SORBS2: variants seen among roughly 807,000 people sequenced by gnomAD.
SORBS2 encodes the protein sorbin and SH3 domain-containing protein 2.
In SORBS2, 46 loss-of-function variants were observed where a neutral mutation model predicts 97.7. The observed-to-expected ratio is 0.47, with a 90% CI of 0.37 to 0.60. The LOEUF is 0.60. Ranked by LOEUF, SORBS2 falls within the 20% of genes least tolerant of loss-of-function variation. SORBS2 has a pLI of 0.00. For synonymous variants in SORBS2, 476 were observed against 473.4 expected (o/e 1.01, Z -0.07); for missense variants, 1,316 against 1,282.3 (o/e 1.03, Z -0.40).
At chr4:185,657,617 C>A (rs1398623739), upstream of SORBS2, 2 of 1,585,278 alleles carry the variant, frequency 1.3e-6, no homozygotes, top group Non-Finnish European at 1.7e-6. Context: ...AATTTGGTAA[C>A]ATGGAACGTA....
intron 1 of SORBS2, among the ~76,000 whole-genome samples, chr4:185,800,664 T>A (rs879283593): frequency 6.6e-6 from 1 of 152,104 alleles, no homozygotes; most frequent in Admixed American, 6.5e-5. Context: ...TTTCTCTCCC[T>A]CTCTCCTCTT....
chr4:185,601,598 G>GTTGT (rs1294907681), intron 12 of SORBS2, among the ~76,000 whole-genome samples: 1 of 152,104 alleles, frequency 6.6e-6, no homozygotes, highest in Non-Finnish European at 1.5e-5. Flanking sequence ...ATATTTCTAC[G>GTTGT]TTGTTTAAGC....
intron 4 of SORBS2, among the ~76,000 whole-genome samples, chr4:185,669,568 G>A (rs772600666): frequency 6.6e-6 from 1 of 152,174 alleles, no homozygotes; most frequent in African/African-American, 2.4e-5. Context: ...GGCCTCAGGA[G>A]AGGAGGGGAA....
upstream of SORBS2, among the ~76,000 whole-genome samples, chr4:185,661,491 C>G (rs2097521348): frequency 6.6e-6 from 1 of 152,142 alleles, no homozygotes; most frequent in South Asian, 2.1e-4. Flanking sequence ...CACTGAATTC[C>G]TAGTCCTCAG....
intron 7 of SORBS2, among the ~76,000 whole-genome samples, chr4:185,621,261 T>C (rs1161185965): frequency 6.6e-6 from 1 of 152,232 alleles, no homozygotes; most frequent in Non-Finnish European, 1.5e-5. Flanking sequence ...TAATATACTT[T>C]TATGATCATA....
At chr4:185,824,178 A>G (rs1215745633) in intron 1 of SORBS2, among the ~76,000 whole-genome samples, 5 of 152,142 alleles carry the variant, frequency 3.3e-5, no homozygotes, top group Admixed American at 2.6e-4. Context: ...GGGCAGCCCC[A>G]TCCTCTCTCT....
At chr4:185,747,890 C>A (rs1022758767) in intron 2 of SORBS2, among the ~76,000 whole-genome samples, 1 of 152,056 alleles carries the variant, frequency 6.6e-6, no homozygotes, top group African/African-American at 2.4e-5. Context: ...ACTTGGGAGG[C>A]TGAGGCAGGA....
chr4:185,907,420 G>A (rs755594410), intron 1 of SORBS2, among the ~76,000 whole-genome samples: 6 of 152,092 alleles, frequency 3.9e-5, no homozygotes, highest in South Asian at 2.1e-4. Context: ...GAAAAAGCTC[G>A]GTTCTCCTGA....
At chr4:185,859,499 C>T (rs1029764538) in intron 1 of SORBS2, among the ~76,000 whole-genome samples, 7 of 152,156 alleles carry the variant, frequency 4.6e-5, no homozygotes, top group Non-Finnish European at 7.3e-5. Flanking sequence ...TTGCTAGGAA[C>T]GTCTGTTCTC....
chr4:185,738,413 A>AT (rs1431931760), intron 2 of SORBS2, among the ~76,000 whole-genome samples: 2 of 152,112 alleles, frequency 1.3e-5, no homozygotes, highest in African/African-American at 2.4e-5. Flanking sequence ...CAGCCCGGAG[A>AT]TTTTCCTTTT....
chr4:185,667,566 A>G (rs2097633682), intron 4 of SORBS2, among the ~76,000 whole-genome samples: 1 of 151,962 alleles, frequency 6.6e-6, no homozygotes, highest in African/African-American at 2.4e-5. Context: ...AGACACTCTA[A>G]AGCATAACCT....
Position 185,868,155 on chromosome 4 carries a change from C to CTTTTTTTTTTTTTTTTTTTTTTTTTTTTT in SORBS2, c.-338+88040_-338+88041insAAAAAAAAAAAAAAAAAAAAAAAAAAAAA, listed in dbSNP as rs1431293135. ...CCTTTCTCTTTTCTTTTCTTTTTTTCTTTCTTTTTTTTTTTTTTTGAGGCA... is the reference window on the plus strand; with the variant it reads ...CCTTTCTCTTTTCTTTTCTTTTTTTCTTTTTTTTTTTTTTTTTTTTTTTTTTTTTTTTCTTTTTTTTTTTTTTTGAGGCA... On this transcript the variant is annotated intron_variant, in intron 1 of 20. Coordinates refer to the SORBS2 transcript ENST00000284776. 1.4e-3 allele frequency among the ~76,000 whole-genome samples: 144 copies of CTTTTTTTTTTTTTTTTTTTTTTTTTTTTT among 100,714 alleles called. 9 individuals carry two copies. Among genetic ancestry groups the CTTTTTTTTTTTTTTTTTTTTTTTTTTTTT allele is most frequent in the Non-Finnish European group, 1.6e-3 (85 of 53,280 alleles). The allele number at this position is 100,714 out of a possible 152,430, so 66.1% of individuals were successfully genotyped here.
At chr4:185,909,216 T>TA (rs1372855678) in intron 1 of SORBS2, among the ~76,000 whole-genome samples, 3 of 152,196 alleles carry the variant, frequency 2.0e-5, no homozygotes, top group Non-Finnish European at 2.9e-5. Context: ...TATTCAGCCA[T>TA]AAAAAATGAA....
intron 1 of SORBS2, among the ~76,000 whole-genome samples, chr4:185,855,593 G>A (rs755413276): frequency 3.3e-5 from 5 of 152,182 alleles, no homozygotes; most frequent in East Asian, 1.9e-4. Context: ...AAAACCATTC[G>A]GGAAAGCATT....
chr4:185,673,381 T>C (rs577992521), intron 4 of SORBS2, among the ~76,000 whole-genome samples: 2 of 152,282 alleles, frequency 1.3e-5, no homozygotes, highest in Admixed American at 1.3e-4. Flanking sequence ...GCTACCTTTT[T>C]TAAAAAGCCT....
rs149394950 is a variant in SORBS2, at chr4:185,783,239, T to C, written c.-337-7873A>G. ...TTATATCAAGTACATGAGAAAAACT[T>C]CCTAAATGAATGAGGCTGGAAACAC... On this transcript the variant is annotated intron_variant, in intron 1 of 20. Coordinates refer to the SORBS2 transcript ENST00000284776. 7.4e-3 allele frequency among the ~76,000 whole-genome samples: 1,129 copies of C among 152,286 alleles called. 8 individuals carry two copies. Among genetic ancestry groups the C allele is most frequent in the Middle Eastern group, 0.017 (5 of 294 alleles).
chr4:185,702,049 G>C (rs962874991), intron 2 of SORBS2, among the ~76,000 whole-genome samples: 2 of 152,204 alleles, frequency 1.3e-5, no homozygotes, highest in Admixed American at 1.3e-4. Context: ...GATTACAGGT[G>C]TGAGCCACTG....
chr4:185,646,938 C>T (rs1036086085), intron 3 of SORBS2, among the ~76,000 whole-genome samples, 156 bp from the exon 13 acceptor site: 14 of 152,270 alleles, frequency 9.2e-5, no homozygotes, highest in African/African-American at 2.4e-4. Flanking sequence ...CACATTCCCC[C>T]GCCACTGGCT....
chr4:185,738,561 C>T (rs918032048), intron 2 of SORBS2, among the ~76,000 whole-genome samples: 1 of 152,174 alleles, frequency 6.6e-6, no homozygotes, highest in African/African-American at 2.4e-5. Flanking sequence ...AATGTCACCC[C>T]TAAATATTTT....
Sources: allele counts gnomAD v4.1 joint callset (sites outside exome capture counted in the v4.1 genomes callset), GRCh38; gene constraint gnomAD v4.1.1; transcripts MANE v1.5; gene names NCBI Gene and HGNC (gene_info 2026-07-23, HGNC 2026-07-21).